MAPK8IP1: variants seen among roughly 807,000 people sequenced by gnomAD.
MAPK8IP1 encodes the protein mitogen-activated protein kinase 8 interacting protein 1, also known as C-Jun-amino-terminal kinase-interacting protein 1.
MAPK8IP1 carries 17 observed loss-of-function variants against 72.6 expected under a neutral mutation model. That is an observed-to-expected ratio of 0.23 (90% confidence interval 0.16 to 0.35). MAPK8IP1 has a LOEUF of 0.35. Among genes scored for constraint, MAPK8IP1 ranks in the 10% least tolerant of loss-of-function variants. MAPK8IP1 has a pLI of 1.00. For synonymous variants in MAPK8IP1, 401 were observed against 443.4 expected (o/e 0.90, Z 1.20); for missense variants, 789 against 1,009.7 (o/e 0.78, Z 2.96).
intron 1 of MAPK8IP1, among the ~76,000 whole-genome samples, chr11:45,886,132 C>T (rs1565068718): frequency 6.6e-6 from 1 of 152,232 alleles, no homozygotes; most frequent in Non-Finnish European, 1.5e-5. Flanking sequence ...GAGGCTGTTC[C>T]CTCCGCCATT....
intron 1 of MAPK8IP1, among the ~76,000 whole-genome samples, chr11:45,889,597 A>T (rs1224122631): frequency 6.6e-6 from 1 of 152,134 alleles, no homozygotes; most frequent in Non-Finnish European, 1.5e-5. Context: ...ATGGACAAGA[A>T]GGGAGCGAGC....
chr11:45,905,350 C>T (rs1357605157), intron 11 of MAPK8IP1, 101 bp downstream of exon 11: 19 of 1,142,896 alleles, frequency 1.7e-5, no homozygotes, highest in South Asian at 3.9e-5. Context: ...CGGTTTCCCC[C>T]GCAGCTCTGG....
In MAPK8IP1 at chr11:45,900,089, C is replaced by T. The variant is rs1292826126; in HGVS notation, c.208-49C>T. ...GGGCGGGGGGCGGTGCAAGCGGCCT[C>T]GGCCCCGCCCCGGCCCCGCCCCCTG... On this transcript the variant is annotated intron_variant, in intron 2 of 11. Transcript: ENST00000241014. The surrounding 1 kb of genome is among the most constrained non-coding windows in gnomAD (Gnocchi z 6.5). 2.7e-6 allele frequency: 3 copies of T among 1,128,830 alleles called. No individual in the cohort carries two copies. Among genetic ancestry groups the T allele is most frequent in the South Asian group, 4.4e-5 (1 of 22,694 alleles). 69.9% of individuals were successfully genotyped at this position (1,128,830 alleles called of 1,614,324 possible). A position where few individuals can be genotyped will look rare whatever the true frequency, so the allele number is the denominator to read the frequency against.
chr11:45,886,905 G>A (rs2086531836), intron 1 of MAPK8IP1, among the ~76,000 whole-genome samples: 1 of 152,102 alleles, frequency 6.6e-6, no homozygotes, highest in Non-Finnish European at 1.5e-5. Context: ...GCCCCTCCTG[G>A]GAGCAAGGGG....
rs768339614 is a variant in MAPK8IP1 at position 45,902,956 on chromosome 11, C to T, written c.1189C>T (p.Arg397Trp). ...EHAQLELVSL[R>W]PCFGDYSDES... ...TGCACAGCTGGAGCTGGTGAGCCTG[C>T]GGCCGTGCTTCGGAGACTACAGTGA... The change falls in exon 5 of 12, where the codon CGG becomes TGG. Residue 397 changes from arginine (R) to tryptophan (W), a missense_variant. By Grantham distance (101) the Arg-to-Trp change is moderately radical (BLOSUM62 -3). This residue lies in a region of MAPK8IP1 where 377 missense variants were observed against 411.7 expected (regional missense o/e 0.92). Transcript: ENST00000241014. This position sits in a 1 kb window ranked among gnomAD's most constrained non-coding sequence, Gnocchi z 9.3. 11 of 1,611,888 alleles carry T rather than the reference C, an allele frequency of 6.8e-6. No individual in the cohort carries two copies. Among genetic ancestry groups the T allele is most frequent in the East Asian group, 4.5e-5 (2 of 44,854 alleles).
rs913444533 is a variant in MAPK8IP1 at position 45,904,573 on chromosome 11, G to A, written c.1776+9G>A. 2 of 1,613,384 alleles carry A rather than the reference G, an allele frequency of 1.2e-6. No homozygotes were observed. The highest frequency in any genetic ancestry group is 1.7e-6 in the Non-Finnish European group (2 of 1,179,324). On this transcript the variant is annotated intron_variant, in intron 8 of 11. Coordinates refer to ENST00000241014, the MANE Select transcript of MAPK8IP1 (RefSeq NM_005456.4). The surrounding 1 kb of genome is among the most constrained non-coding windows in gnomAD (Gnocchi z 6.4). ...GTGCTGCTATGCAAAAGGTACCTGA[G>A]CCCTCTCCCTTCTCCTCCCTTGGAT...
Position 45,905,747 on chromosome 11 carries a change from C to T in MAPK8IP1, c.*26C>T, listed in dbSNP as rs769413263. ...CTGTGCAGCCCCGCCCTCTGCGTCC[C>T]CCAGCCCTCAGGCCAGTGCCAGGAC... On this transcript the variant is annotated 3_prime_UTR_variant, in exon 12 of 12. Transcript: ENST00000241014. 6.2e-7 allele frequency: 1 copy of T among 1,608,128 alleles called. No homozygotes were observed. The highest frequency in any genetic ancestry group is 1.3e-5 in the African/African-American group (1 of 74,842).
intron 2 of MAPK8IP1, among the ~76,000 whole-genome samples, chr11:45,899,034 G>A (rs2086629589): frequency 6.6e-6 from 1 of 152,168 alleles, no homozygotes; most frequent in South Asian, 2.1e-4. Context: ...GTGTGCCTTG[G>A]GGAGGGAGTA....
intron 1 of MAPK8IP1, among the ~76,000 whole-genome samples, chr11:45,886,168 G>A (rs964596874): frequency 7.2e-5 from 11 of 152,232 alleles, no homozygotes; most frequent in Non-Finnish European, 1.2e-4. Flanking sequence ...GGAGGTCTGC[G>A]CTGGAATTGG....
In MAPK8IP1 at chr11:45,903,930, G is replaced by A; in HGVS notation, c.1494-59G>A. ...GCTGCTGTGGCTCCCAGACCCCAGA[G>A]TAGGCCTGGCTGGACAGGCCTTGGT... On this transcript the variant is annotated intron_variant, in intron 6 of 11. Transcript: ENST00000241014. The surrounding 1 kb of genome is among the most constrained non-coding windows in gnomAD (Gnocchi z 6.4). 1.3e-6 allele frequency: 2 copies of A among 1,496,344 alleles called. No individual in the cohort carries two copies. The highest frequency in any genetic ancestry group is 1.4e-5 in the African/African-American group (1 of 72,764). 92.7% of individuals were successfully genotyped at this position (1,496,344 alleles called of 1,614,324 possible).
chr11:45,901,132 G>A (rs1473300598), intron 3 of MAPK8IP1, among the ~76,000 whole-genome samples: 1 of 152,128 alleles, frequency 6.6e-6, no homozygotes, highest in Non-Finnish European at 1.5e-5. Context: ...CTCCTGGGAG[G>A]TGGGGCGGCT....
chr11:45,894,373 G>C (rs2086588025), intron 1 of MAPK8IP1, among the ~76,000 whole-genome samples: 1 of 151,322 alleles, frequency 6.6e-6, no homozygotes, highest in Non-Finnish European at 1.5e-5. Flanking sequence ...TAAAAAGTCA[G>C]ACAAAGCATC....
chr11:45,903,482 T>C lies in MAPK8IP1; in HGVS notation c.1493+42T>C. 6.5e-7 allele frequency: 1 copy of C among 1,546,304 alleles called. No individual in the cohort carries two copies. The highest frequency in any genetic ancestry group is 1.1e-5 in the South Asian group (1 of 87,034). ...GGCTGGGCCTAGCCAGGCAGCAGTT[T>C]GGGCCACACACCACCCTCTACTTGT... On this transcript the variant is annotated intron_variant, in intron 6 of 11. Transcript: ENST00000241014. This position sits in a 1 kb window ranked among gnomAD's most constrained non-coding sequence, Gnocchi z 6.4.
At chr11:45,890,717 A>G (rs1360697384) in intron 1 of MAPK8IP1, among the ~76,000 whole-genome samples, 1 of 152,030 alleles carries the variant, frequency 6.6e-6, no homozygotes, top group South Asian at 2.1e-4. Flanking sequence ...GGGAGACCAG[A>G]GGGCGGTGGG....
rs189373130 is a variant in MAPK8IP1, at chr11:45,891,370, A to G, written c.101+5449A>G. On this transcript the variant is annotated intron_variant, in intron 1 of 11. Transcript: ENST00000241014. ...TCCGCCACTGGAGATGCCAGTGGAG[A>G]GCTCATGGCTCCTGCTGTCATGTTG... 1.2e-4 allele frequency among the ~76,000 whole-genome samples: 18 copies of G among 152,212 alleles called. No individual in the cohort carries two copies. The East Asian group carries it at 2.9e-3, about 24-fold the overall frequency.
intron 1 of MAPK8IP1, among the ~76,000 whole-genome samples, chr11:45,887,234 T>C (rs1321896670): frequency 1.3e-5 from 2 of 152,206 alleles, no homozygotes. Context: ...TCTAACTGCA[T>C]GACCCAGGCA....
At chr11:45,890,188 T>A (rs2086555747) in intron 1 of MAPK8IP1, among the ~76,000 whole-genome samples, 1 of 152,016 alleles carries the variant, frequency 6.6e-6, no homozygotes, top group South Asian at 2.1e-4. Flanking sequence ...GAGCAGGATG[T>A]GCAGGAACTT....
chr11:45,904,736 C>T lies in MAPK8IP1; in HGVS notation c.1795C>T (p.Leu599Phe). The T allele has an allele frequency of 6.2e-7, 1 of 1,613,934 alleles. No homozygotes were observed. Among genetic ancestry groups the T allele is most frequent in the East Asian group, 2.2e-5 (1 of 44,866 alleles). The stretch of plus-strand genomic sequence containing the variant: ...CCTGTAGATTGCCACCACCCGCCGG[C>T]TCACCGTGCACTTTAACCCGCCCTC... ...AMQKIATTRRLTVHFNPPSSC... is the reference protein window; with the variant it reads ...AMQKIATTRRFTVHFNPPSSC... The change falls in exon 9 of 12, where the codon CTC (leucine) becomes TTC (phenylalanine). Residue 599 changes from leucine to phenylalanine, a missense_variant. By Grantham distance (22) the Leu-to-Phe change is conservative (BLOSUM62 0). This residue lies in a region of MAPK8IP1 where 188 missense variants were observed against 293.3 expected (regional missense o/e 0.64). Transcript: ENST00000241014. The surrounding 1 kb of genome is among the most constrained non-coding windows in gnomAD (Gnocchi z 6.4).
intron 1 of MAPK8IP1, among the ~76,000 whole-genome samples, chr11:45,891,208 C>T (rs2086563965): frequency 1.3e-5 from 2 of 152,344 alleles, no homozygotes; most frequent in South Asian, 2.1e-4. Flanking sequence ...TTGGGGCCCC[C>T]ATGGTTCCCA....
Sources: gnomAD v4.1 joint callset for allele counts (sites outside exome capture counted in the v4.1 genomes callset) on GRCh38, gnomAD v4.1.1 for gene constraint, gnomAD v4.1.1 regional missense constraint, Gnocchi (gnomAD v3.1) non-coding constraint, MANE v1.5 for transcripts, NCBI Gene and HGNC (gene_info 2026-07-23, HGNC 2026-07-21) for gene names.